Variants in SNRPN observed in about 807,000 individuals in gnomAD.
The protein encoded by SNRPN is small nuclear ribonucleoprotein polypeptide N.
Under a neutral mutation model 25.2 loss-of-function variants are expected in SNRPN, and 7 were observed. That is an observed-to-expected ratio of 0.28 (90% confidence interval 0.16 to 0.52). The LOEUF (loss-of-function observed/expected upper bound fraction) is 0.52, where lower values mean the gene tolerates loss of function less well. SNRPN is among the 20% of genes least tolerant of loss of function. The probability of loss-of-function intolerance (pLI) is 0.96; values close to 1 mark genes in which losing one functional copy is unlikely to be tolerated. For missense variants in SNRPN, 196 were observed against 322.5 expected (o/e 0.61, Z 3.00); for synonymous variants, 124 against 110.6 (o/e 1.12, Z -0.76).
At chr15:24,891,692 C>T (rs1019756384) in intron 2 of SNRPN, among the ~76,000 whole-genome samples, 8 of 152,142 alleles carry the variant, frequency 5.3e-5, no homozygotes, top group African/African-American at 1.7e-4. Flanking sequence ...CCCTCCTCGG[C>T]CTCCCAAAGT....
intron 1 of SNRPN, among the ~76,000 whole-genome samples, chr15:24,880,361 G>A (rs903603132): frequency 6.6e-6 from 1 of 152,052 alleles, no homozygotes; most frequent in Non-Finnish European, 1.5e-5. Context: ...TTCAATCCTC[G>A]AACTTTTCCT....
At chr15:24,942,289 A>C (rs2061603320) in intron 3 of SNRPN, 1 of 152,164 alleles carries the variant, frequency 6.6e-6, no homozygotes, top group African/African-American at 2.4e-5. Context: ...GTCAACCCCG[A>C]CTATGGGAGA....
rs528720177 is a variant in SNRPN at position 24,883,883 on chromosome 15, G to A, written c.-578-2633G>A. On this transcript the variant is annotated intron_variant, in intron 1 of 11. Transcript: ENST00000400097. Reference sequence around the variant, plus strand: ...AAAAATTAACCGGGCATTTATGCCTGTAGTCTCAGCTACTCGGGAGGCTGA... The same window carrying A: ...AAAAATTAACCGGGCATTTATGCCTATAGTCTCAGCTACTCGGGAGGCTGA... Among the ~76,000 whole-genome samples, 6 of 151,626 alleles carry A rather than the reference G, an allele frequency of 4.0e-5. No homozygotes were observed. The South Asian group carries it at 1.3e-3, about 32-fold the overall frequency.
intron 2 of SNRPN, among the ~76,000 whole-genome samples, chr15:24,832,165 C>T (rs1194239568): frequency 6.6e-6 from 1 of 151,708 alleles, no homozygotes; most frequent in African/African-American, 2.4e-5. Context: ...TCAACACTAA[C>T]TTTTGTCTTT....
At chr15:24,972,728 T>C (rs1596319901) in intron 3 of SNRPN, among the ~76,000 whole-genome samples, 1 of 152,260 alleles carries the variant, frequency 6.6e-6, no homozygotes, top group African/African-American at 2.4e-5. Context: ...GTTGCCATAT[T>C]TAATAGCATT....
chr15:24,836,831 A>G (rs2051242512), intron 2 of SNRPN, among the ~76,000 whole-genome samples: 1 of 152,138 alleles, frequency 6.6e-6, no homozygotes, highest in East Asian at 1.9e-4. Context: ...ATTGGAGGAC[A>G]AAAGGGTATG....
chr15:24,877,889 G>T (rs2056138120), intron 1 of SNRPN, among the ~76,000 whole-genome samples: 1 of 152,208 alleles, frequency 6.6e-6, no homozygotes, highest in South Asian at 2.1e-4. Flanking sequence ...ACGATACAGG[G>T]AAGCCTGGCC....
chr15:24,833,104 CAAAAAAA>C (rs10696281), intron 2 of SNRPN, among the ~76,000 whole-genome samples: 2 of 61,770 alleles, frequency 3.2e-5, no homozygotes, highest in Non-Finnish European at 5.5e-5. Flanking sequence ...GACTCTGTCT[CAAAAAAA>C]AAAAAAAAAA....
rs139044927 is a variant in SNRPN, at chr15:24,974,659, C to T, written c.3+203C>T. On this transcript the variant is annotated intron_variant, in intron 4 of 9. Coordinates refer to ENST00000390687, the MANE Select transcript of SNRPN (RefSeq NM_003097.6). ...TTTTTCAGACGGGGTCTTGCTCTGT[C>T]TCCCAGTCTGGAGTGCAGTGGTGCG... 0.013 allele frequency: 8,216 copies of T among 641,364 alleles called. 489 individuals carry two copies. In the African/African-American group the frequency reaches 0.13, roughly 10 times the overall value. 39.7% of individuals were successfully genotyped at this position (641,364 alleles called of 1,614,324 possible).
intron 2 of SNRPN, among the ~76,000 whole-genome samples, chr15:24,840,670 T>A (rs1383669628): frequency 6.6e-6 from 1 of 152,228 alleles, no homozygotes; most frequent in Non-Finnish European, 1.5e-5. Flanking sequence ...TTGTCTCCAG[T>A]ACCCAAAGCG....
intron 2 of SNRPN, among the ~76,000 whole-genome samples, chr15:24,891,995 G>A (rs1027175365): frequency 1.3e-5 from 2 of 152,070 alleles, no homozygotes; most frequent in Non-Finnish European, 2.9e-5. Context: ...ACAAGTTAAG[G>A]CTATGTACTA....
chr15:24,861,866 A>G (rs2054013058), intron 1 of SNRPN, among the ~76,000 whole-genome samples: 1 of 152,242 alleles, frequency 6.6e-6, no homozygotes, highest in Non-Finnish European at 1.5e-5. Context: ...GTAAATCAAT[A>G]GATATCTTGA....
Position 24,977,018 on chromosome 15 carries a change from C to T in SNRPN, c.409C>T (p.Pro137Ser). Reference sequence around the variant, plus strand: ...AGGCCCTGTCCGAGGAGTTGGGGGACCATCCCAGCAGGTGAGGAACCAGCA... The same window carrying T: ...AGGCCCTGTCCGAGGAGTTGGGGGATCATCCCAGCAGGTGAGGAACCAGCA... ...LAGPVRGVGGPSQQVMTPQGR... is the reference protein window; with the variant it reads ...LAGPVRGVGGSSQQVMTPQGR... Residue 137 changes from proline (P) to serine (S), a missense_variant, in exon 7 of 10, where the codon CCA (proline) becomes TCA (serine). Physicochemically the swap from Pro to Ser is moderately conservative, Grantham distance 74. Coordinates refer to ENST00000390687, the MANE Select transcript of SNRPN (RefSeq NM_003097.6). The T allele has an allele frequency of 6.4e-7, 1 of 1,574,264 alleles. No individual in the cohort carries two copies. The highest frequency in any genetic ancestry group is 8.6e-7 in the Non-Finnish European group (1 of 1,162,692).
At chr15:24,863,199 C>T (rs1566838266) in intron 1 of SNRPN, among the ~76,000 whole-genome samples, 1 of 150,830 alleles carries the variant, frequency 6.6e-6, no homozygotes, top group Non-Finnish European at 1.5e-5. Flanking sequence ...AGAGAAGTTT[C>T]TGTCCCCTCA....
chr15:24,862,716 G>A (rs1359003430), intron 1 of SNRPN, among the ~76,000 whole-genome samples: 2 of 150,876 alleles, frequency 1.3e-5, no homozygotes, highest in East Asian at 2.0e-4. Context: ...GGAACTCAGG[G>A]GACAGGCATC....
chr15:24,853,462 C>G (rs191753583), upstream of SNRPN, among the ~76,000 whole-genome samples: 141 of 151,800 alleles, frequency 9.3e-4, no homozygotes, highest in Non-Finnish European at 1.8e-3. Flanking sequence ...GACGCGATCT[C>G]GGCTTGCTGC....
chr15:24,885,916 A>G (rs1339932999), intron 1 of SNRPN, among the ~76,000 whole-genome samples: 5 of 152,190 alleles, frequency 3.3e-5, no homozygotes, highest in Non-Finnish European at 7.3e-5. Flanking sequence ...AACAGACCAG[A>G]ACTCTTCTTC....
chr15:24,940,989 G>GTTTTTT (rs932472786), intron 3 of SNRPN, among the ~76,000 whole-genome samples: 1 of 151,984 alleles, frequency 6.6e-6, no homozygotes, highest in Non-Finnish European at 1.5e-5. Context: ...TTTTGTTTTT[G>GTTTTTT]TTTTTGTTTT....
intron 2 of SNRPN, chr15:24,909,237 G>T: frequency 1.3e-6 from 2 of 1,571,434 alleles, no homozygotes; most frequent in South Asian, 1.1e-5. Flanking sequence ...ATGTGCTTCC[G>T]GTGTACTTCT....
Sources: gnomAD v4.1 joint callset for allele counts (sites outside exome capture counted in the v4.1 genomes callset) on GRCh38, gnomAD v4.1.1 for gene constraint, MANE v1.5 for transcripts, NCBI Gene and HGNC (gene_info 2026-07-23, HGNC 2026-07-21) for gene names.